LRIF1: variants seen among roughly 807,000 people sequenced by gnomAD.
The protein encoded by LRIF1 is ligand dependent nuclear receptor interacting factor 1.
LRIF1 carries 32 observed loss-of-function variants against 52.7 expected under a neutral mutation model. The observed-to-expected ratio is 0.61, with a 90% confidence interval of 0.46 to 0.82. The LOEUF is 0.82. LRIF1 is among the 40% of genes least tolerant of loss of function. LRIF1 has a pLI of 0.00. For synonymous variants in LRIF1, 323 were observed against 317.4 expected (o/e 1.02, Z -0.19); for missense variants, 887 against 892.0 (o/e 0.99, Z 0.07).
At chr1:110,949,199 C>T (rs1658348483) in intron 3 of LRIF1, among the ~76,000 whole-genome samples, 1 of 151,124 alleles carries the variant, frequency 6.6e-6, no homozygotes, top group Non-Finnish European at 1.5e-5. Flanking sequence ...CTCACTGCAA[C>T]CTCTGCCTTC....
At chr1:110,905,686 A>G in the LRIF1 span, among the ~76,000 whole-genome samples, 41 of 152,352 alleles carry the variant, frequency 2.7e-4, no homozygotes, top group African/African-American at 7.9e-4. Flanking sequence ...ATAAGTAATC[A>G]TATGAAGATA....
the LRIF1 span, among the ~76,000 whole-genome samples, chr1:110,929,608 G>T: frequency 7.9e-5 from 12 of 152,158 alleles, no homozygotes; most frequent in African/African-American, 1.4e-4. Context: ...TTTTTAATGG[G>T]TTTTTTTTCT....
the LRIF1 span, among the ~76,000 whole-genome samples, chr1:110,919,223 A>C: frequency 6.6e-6 from 1 of 151,440 alleles, no homozygotes; most frequent in Non-Finnish European, 1.5e-5. Context: ...TGTGTCTGTG[A>C]GGGTGTTGCC....
chr1:110,882,234 TA>T, the LRIF1 span, among the ~76,000 whole-genome samples: 2 of 152,174 alleles, frequency 1.3e-5, no homozygotes, highest in African/African-American at 4.8e-5. Context: ...ATTTTACCTT[TA>T]GATCTATGAT....
At chr1:110,927,544 A>G in the LRIF1 span, among the ~76,000 whole-genome samples, 13 of 152,252 alleles carry the variant, frequency 8.5e-5, no homozygotes, top group South Asian at 2.5e-3. Context: ...ACAGAGCTAA[A>G]CACAATTACC....
At chr1:110,960,872 C>G (rs1658921527) in intron 1 of LRIF1, among the ~76,000 whole-genome samples, 1 of 152,108 alleles carries the variant, frequency 6.6e-6, no homozygotes, top group African/African-American at 2.4e-5. Context: ...GATCACTCAC[C>G]CTCAAATCCA....
chr1:110,901,948 CT>C, the LRIF1 span, among the ~76,000 whole-genome samples: 1 of 152,310 alleles, frequency 6.6e-6, no homozygotes, highest in East Asian at 1.9e-4. Context: ...TTGTCTTTAA[CT>C]CTAGCCTGTC....
the LRIF1 span, among the ~76,000 whole-genome samples, chr1:110,884,712 T>C: frequency 6.6e-6 from 1 of 152,106 alleles, no homozygotes; most frequent in Non-Finnish European, 1.5e-5. Context: ...TTATCCTTGA[T>C]AATTTTTTCT....
chr1:110,910,892 C>T, the LRIF1 span, among the ~76,000 whole-genome samples: 3 of 152,060 alleles, frequency 2.0e-5, no homozygotes, highest in East Asian at 1.9e-4. Context: ...ATATCTACAT[C>T]AAGATGTTAG....
intron 1 of LRIF1, among the ~76,000 whole-genome samples, chr1:110,960,659 T>C (rs1658913125): frequency 6.6e-6 from 1 of 152,214 alleles, no homozygotes; most frequent in South Asian, 2.1e-4. Context: ...TCTTGATGTG[T>C]TCCTCATCTC....
At chr1:110,951,008 T>C (rs1658447693) in intron 2 of LRIF1, among the ~76,000 whole-genome samples, 1 of 152,140 alleles carries the variant, frequency 6.6e-6, no homozygotes, top group Non-Finnish European at 1.5e-5. Context: ...CCCCAACTCT[T>C]CTAAACCTTT....
At chr1:110,884,881 G>A in the LRIF1 span, among the ~76,000 whole-genome samples, 111 of 151,832 alleles carry the variant, frequency 7.3e-4, no homozygotes, top group African/African-American at 2.6e-3. Context: ...ATTGGGTCTT[G>A]TTTTTTCAAT....
chr1:110,912,748 A>C, the LRIF1 span, among the ~76,000 whole-genome samples: 1 of 152,234 alleles, frequency 6.6e-6, no homozygotes, highest in Non-Finnish European at 1.5e-5. Context: ...TAAAATGGCC[A>C]TACTGCCCAA....
At chr1:110,946,680 G>A (rs1174021462), downstream of LRIF1, among the ~76,000 whole-genome samples, 4 of 132,216 alleles carry the variant, frequency 3.0e-5, no homozygotes, top group South Asian at 2.4e-4. Flanking sequence ...TTTTTGAGAC[G>A]GAGTCTGGCT....
At chr1:110,902,014 C>G in the LRIF1 span, among the ~76,000 whole-genome samples, 30 of 152,264 alleles carry the variant, frequency 2.0e-4, no homozygotes, top group African/African-American at 7.0e-4. Flanking sequence ...GATTCACCCA[C>G]CAAGTATCAC....
the LRIF1 span, among the ~76,000 whole-genome samples, chr1:110,877,568 G>A: frequency 6.6e-6 from 1 of 152,174 alleles, no homozygotes; most frequent in Non-Finnish European, 1.5e-5. Flanking sequence ...CCACATGGGA[G>A]GAAGTGAGCT....
the LRIF1 span, among the ~76,000 whole-genome samples, chr1:110,878,515 G>GAT: frequency 6.6e-6 from 1 of 152,140 alleles, no homozygotes; most frequent in Non-Finnish European, 1.5e-5. Flanking sequence ...GATTTCAGAA[G>GAT]ATTTTATGCT....
At chr1:110,946,151 G>A (rs755980198), downstream of LRIF1, among the ~76,000 whole-genome samples, 4 of 152,162 alleles carry the variant, frequency 2.6e-5, no homozygotes, top group Non-Finnish European at 5.9e-5. Context: ...ATATTATTCA[G>A]CAATAAATAA....
the LRIF1 span, among the ~76,000 whole-genome samples, chr1:110,920,381 A>G: frequency 6.6e-6 from 1 of 152,342 alleles, no homozygotes; most frequent in African/African-American, 2.4e-5. Context: ...CAAGCTACAA[A>G]AAGACATGAA....
Sources: gnomAD v4.1 joint callset for allele counts (sites outside exome capture counted in the v4.1 genomes callset) on GRCh38, gnomAD v4.1.1 for gene constraint, MANE v1.5 for transcripts, NCBI Gene and HGNC (gene_info 2026-07-23, HGNC 2026-07-21) for gene names.